Variants in SPMIP2 observed in about 807,000 individuals in gnomAD.
The protein encoded by SPMIP2 is sperm microtubule inner protein 2, also known as protein SPMIP2.
chr4:159,081,164 A>G, the SPMIP2 span, among the ~76,000 whole-genome samples: 1 of 151,736 alleles, frequency 6.6e-6, no homozygotes, highest in South Asian at 2.1e-4. Context: ...CAGCCTCCCA[A>G]GTAGCTGGGA....
chr4:158,915,333 A>G, the SPMIP2 span: 2 of 1,612,938 alleles, frequency 1.2e-6, no homozygotes, highest in South Asian at 1.1e-5. Flanking sequence ...TTTTCCTTGC[A>G]TATCCAGGAC....
chr4:158,935,757 G>A, the SPMIP2 span, among the ~76,000 whole-genome samples: 1 of 152,198 alleles, frequency 6.6e-6, no homozygotes, highest in Admixed American at 6.5e-5. Flanking sequence ...GATAAAATAG[G>A]CTTCAGCCTT....
chr4:159,049,401 T>C, the SPMIP2 span, among the ~76,000 whole-genome samples: 1 of 152,210 alleles, frequency 6.6e-6, no homozygotes, highest in African/African-American at 2.4e-5. Context: ...GAGATCAAGA[T>C]TCGCAAAGAT....
chr4:158,973,470 CTTAT>C, the SPMIP2 span, among the ~76,000 whole-genome samples: 2 of 152,016 alleles, frequency 1.3e-5, no homozygotes, highest in East Asian at 1.9e-4. Context: ...CTTATTAATA[CTTAT>C]TTATAATTAA....
At chr4:159,003,705 T>C in the SPMIP2 span, among the ~76,000 whole-genome samples, 1,735 of 152,312 alleles carry the variant, frequency 0.011, 29 homozygotes, top group African/African-American at 0.039. Flanking sequence ...AAAGACATTT[T>C]TTCTTCCACA....
chr4:158,936,624 C>T, the SPMIP2 span, among the ~76,000 whole-genome samples: 582 of 152,342 alleles, frequency 3.8e-3, 2 homozygotes, highest in Non-Finnish European at 6.9e-3. Flanking sequence ...TCTGTGCTTT[C>T]TGGGAGAACA....
the SPMIP2 span, chr4:158,906,314 A>G: frequency 1.3e-5 from 2 of 152,272 alleles, no homozygotes; most frequent in South Asian, 4.1e-4. Context: ...TACAGCTTTT[A>G]CAGTTTAAAG....
the SPMIP2 span, among the ~76,000 whole-genome samples, chr4:158,988,060 A>T: frequency 2.0e-3 from 303 of 152,220 alleles, no homozygotes; most frequent in African/African-American, 6.8e-3. Flanking sequence ...TAAAGGGGAG[A>T]TCACCACTGA....
At chr4:159,075,892 T>C in the SPMIP2 span, among the ~76,000 whole-genome samples, 1 of 152,124 alleles carries the variant, frequency 6.6e-6, no homozygotes, top group Admixed American at 6.6e-5. Flanking sequence ...GCTAAAACTT[T>C]TGCTTCACCA....
At chr4:158,950,325 GTTCCTTCTATACCTGGCTTAAAT>G in the SPMIP2 span, among the ~76,000 whole-genome samples, 1 of 152,142 alleles carries the variant, frequency 6.6e-6, no homozygotes, top group Non-Finnish European at 1.5e-5. Flanking sequence ...TCCTTAAAAT[GTTCCTTCTATACCTGGCTTAAAT>G]TTCCTCTAAG....
At chr4:159,007,038 G>T in the SPMIP2 span, 5 of 441,192 alleles carry the variant, frequency 1.1e-5, no homozygotes, top group African/African-American at 2.0e-5. Flanking sequence ...GATGCCGGCA[G>T]TATTTTCTTC....
At chr4:159,055,739 T>C in the SPMIP2 span, among the ~76,000 whole-genome samples, 36 of 151,774 alleles carry the variant, frequency 2.4e-4, no homozygotes, top group African/African-American at 6.8e-4. Flanking sequence ...AATAAACAAA[T>C]ATAAAAAACG....
chr4:158,952,177 T>C, the SPMIP2 span, among the ~76,000 whole-genome samples: 1 of 152,196 alleles, frequency 6.6e-6, no homozygotes, highest in African/African-American at 2.4e-5. Flanking sequence ...GAATCAGTAC[T>C]CCTTGCTTGT....
At chr4:159,044,324 G>C in the SPMIP2 span, among the ~76,000 whole-genome samples, 2 of 141,484 alleles carry the variant, frequency 1.4e-5, no homozygotes, top group Admixed American at 7.5e-5. Context: ...AGCCAAGACC[G>C]AGCCATTGCA....
the SPMIP2 span, among the ~76,000 whole-genome samples, chr4:159,008,291 G>A: frequency 5.9e-5 from 9 of 152,266 alleles, no homozygotes; most frequent in Admixed American, 1.3e-4. Flanking sequence ...GAGATAATTC[G>A]GTCGGGCATG....
chr4:158,953,749 C>A, the SPMIP2 span, among the ~76,000 whole-genome samples: 1 of 152,234 alleles, frequency 6.6e-6, no homozygotes, highest in Non-Finnish European at 1.5e-5. Flanking sequence ...TGGGAACCTA[C>A]CTCCTACATC....
At chr4:159,030,277 T>C in the SPMIP2 span, among the ~76,000 whole-genome samples, 1,470 of 152,064 alleles carry the variant, frequency 9.7e-3, 15 homozygotes, top group African/African-American at 0.034. Flanking sequence ...CCAGGAGTGA[T>C]GGTACACACC....
At chr4:158,900,158 A>G in the SPMIP2 span, among the ~76,000 whole-genome samples, 1 of 152,146 alleles carries the variant, frequency 6.6e-6, no homozygotes, top group African/African-American at 2.4e-5. Flanking sequence ...TGTGGTTTTG[A>G]GTGAGTTTCT....
At chr4:158,980,627 C>G in the SPMIP2 span, among the ~76,000 whole-genome samples, 5 of 152,166 alleles carry the variant, frequency 3.3e-5, no homozygotes, top group African/African-American at 9.7e-5. Flanking sequence ...CTGTTACAAG[C>G]AAAACTAACA....
Sources: allele counts gnomAD v4.1 joint callset (sites outside exome capture counted in the v4.1 genomes callset), GRCh38; gene constraint gnomAD v4.1.1; transcripts MANE v1.5; gene names NCBI Gene and HGNC (gene_info 2026-07-23, HGNC 2026-07-21).